CORIN: variants seen among roughly 807,000 people sequenced by gnomAD.
The protein encoded by CORIN is corin, serine peptidase.
In CORIN, 117 loss-of-function variants were observed where a neutral mutation model predicts 125.3. That is an observed-to-expected ratio of 0.93 (90% CI 0.80 to 1.09). The LOEUF is 1.09. Ranked by LOEUF, CORIN falls within the 50% of genes least tolerant of loss-of-function variation. The pLI is 0.00. For synonymous variants in CORIN, 450 were observed against 466.4 expected (o/e 0.96, Z 0.45); for missense variants, 1,253 against 1,306.7 (o/e 0.96, Z 0.63).
At chr4:47,718,813 T>C (rs13146535) in intron 5 of CORIN, among the ~76,000 whole-genome samples, 13,998 of 152,202 alleles carry the variant, frequency 0.092, 768 homozygotes, top group East Asian at 0.27. Context: ...AAGATGTCTA[T>C]TCCTTAGTCC....
At chr4:47,609,148 T>A (rs9998849) in intron 19 of CORIN, among the ~76,000 whole-genome samples, 40,942 of 152,128 alleles carry the variant, frequency 0.27, 5,661 homozygotes, top group Admixed American at 0.35. Flanking sequence ...TAAATAAAGA[T>A]ATACCACACT....
Position 47,622,797 on chromosome 4 carries a change from G to A in CORIN, c.2540+774C>T, listed in dbSNP as rs1046802499. On this transcript the variant is annotated intron_variant, in intron 19 of 21. Transcript: ENST00000273857. ...TCCTGCCTGCCACCTACCTCATCAG[G>A]TTTTGGATTCACCAAGCCTCCAGAA... is the stretch of plus-strand genomic sequence containing the variant. 7.9e-5 allele frequency among the ~76,000 whole-genome samples: 12 copies of A among 152,170 alleles called. No homozygotes were observed. In the East Asian group the frequency reaches 2.3e-3, roughly 29 times the overall value.
chr4:47,646,109 A>T (rs918823906), intron 13 of CORIN, among the ~76,000 whole-genome samples: 1 of 151,928 alleles, frequency 6.6e-6, no homozygotes. Context: ...AGCATACATT[A>T]ACATTCATCT....
chr4:47,800,366 C>T (rs567845501), intron 2 of CORIN, among the ~76,000 whole-genome samples: 27 of 152,176 alleles, frequency 1.8e-4, no homozygotes, highest in South Asian at 1.2e-3. Context: ...TAAGCACAGA[C>T]GTACTTAAAT....
At chr4:47,791,287 A>G (rs896898074) in intron 2 of CORIN, among the ~76,000 whole-genome samples, 16 of 152,194 alleles carry the variant, frequency 1.1e-4, no homozygotes, top group Admixed American at 9.2e-4. Flanking sequence ...GGAAAGAGCC[A>G]CAAGCCAAGG....
chr4:47,792,462 G>T (rs1452458106), intron 2 of CORIN, among the ~76,000 whole-genome samples: 1 of 152,130 alleles, frequency 6.6e-6, no homozygotes, highest in Non-Finnish European at 1.5e-5. Context: ...CTTAGCCAAC[G>T]CAAAAACCCT....
At chr4:47,813,534 G>A (rs1023858782) in intron 1 of CORIN, among the ~76,000 whole-genome samples, 3 of 152,124 alleles carry the variant, frequency 2.0e-5, no homozygotes, top group African/African-American at 7.2e-5. Context: ...GAGATATGTT[G>A]ATATTTTTAT....
chr4:47,744,717 T>C, intron 4 of CORIN, 134 bp from the exon 5 acceptor site: 1 of 773,342 alleles, frequency 1.3e-6, no homozygotes, highest in Non-Finnish European at 1.9e-6. Flanking sequence ...GCAACTTAAA[T>C]TTTTACATTC....
chr4:47,680,381 T>C (rs1215350520), intron 7 of CORIN, 130 bp from the exon 8 acceptor site: 2 of 648,972 alleles, frequency 3.1e-6, no homozygotes, highest in East Asian at 2.8e-5. Context: ...ATTTCTACAA[T>C]AGGTCTGGCC....
At position 47,777,421 on chromosome 4, in the gene CORIN, A is replaced by G. The variant is rs752838651; in HGVS notation, c.409+9304T>C. The stretch of plus-strand genomic sequence containing the variant: ...GCCGAGGCAGGCAGATCAAGACGTC[A>G]GGAGTTCAAGACCAGCCTAGCCAAT... On this transcript the variant is annotated intron_variant, in intron 3 of 21. Transcript: ENST00000273857. Among the ~76,000 whole-genome samples, 70 of 152,338 alleles carry G rather than the reference A, an allele frequency of 4.6e-4. 1 individual carries two copies. The Middle Eastern group carries it at 0.014, about 30-fold the overall frequency.
chr4:47,758,590 T>C (rs1395180126), intron 4 of CORIN, among the ~76,000 whole-genome samples: 4 of 152,176 alleles, frequency 2.6e-5, no homozygotes, highest in Non-Finnish European at 5.9e-5. Flanking sequence ...CAAAGCATAA[T>C]GATATGGTTT....
intron 16 of CORIN, among the ~76,000 whole-genome samples, chr4:47,639,236 A>G (rs533830683): frequency 1.3e-5 from 2 of 152,318 alleles, no homozygotes; most frequent in South Asian, 4.1e-4. Context: ...TTATACTATC[A>G]AGATAAGATT....
intron 4 of CORIN, among the ~76,000 whole-genome samples, chr4:47,750,636 G>A (rs543357902): frequency 9.8e-5 from 15 of 152,306 alleles, no homozygotes; most frequent in African/African-American, 3.4e-4. Context: ...GTATGGGGAA[G>A]GCTGCTTGAT....
intron 4 of CORIN, among the ~76,000 whole-genome samples, chr4:47,753,284 C>A (rs1199726293): frequency 3.3e-5 from 5 of 152,088 alleles, no homozygotes. Flanking sequence ...AAGGGCAAAG[C>A]AAAGATCACA....
chr4:47,784,487 C>G (rs1269517397), intron 3 of CORIN, among the ~76,000 whole-genome samples: 3 of 152,192 alleles, frequency 2.0e-5, no homozygotes, highest in Non-Finnish European at 4.4e-5. Flanking sequence ...GTCAGACAGA[C>G]TTCTATCAAA....
At chr4:47,654,252 TG>T (rs1009934685) in intron 12 of CORIN, among the ~76,000 whole-genome samples, 4 of 152,184 alleles carry the variant, frequency 2.6e-5, no homozygotes, top group Non-Finnish European at 5.9e-5. Context: ...AATGATTTTT[TG>T]GGGGGAAGAT....
At chr4:47,797,248 G>A (rs1731336614) in intron 2 of CORIN, among the ~76,000 whole-genome samples, 1 of 148,128 alleles carries the variant, frequency 6.8e-6, no homozygotes, top group South Asian at 2.1e-4. Flanking sequence ...ATAATATTGT[G>A]AATTTATAAT....
intron 5 of CORIN, among the ~76,000 whole-genome samples, chr4:47,700,769 T>A (rs985905434): frequency 6.6e-6 from 1 of 152,088 alleles, no homozygotes; most frequent in East Asian, 1.9e-4. Context: ...TGAGCACTGG[T>A]CTCTGCTATA....
At chr4:47,738,484 A>G (rs984508411) in intron 5 of CORIN, among the ~76,000 whole-genome samples, 3 of 152,246 alleles carry the variant, frequency 2.0e-5, no homozygotes, top group African/African-American at 7.2e-5. Context: ...GCCAGACATG[A>G]CAAAGAACAA....
Sources: allele counts gnomAD v4.1 joint callset (sites outside exome capture counted in the v4.1 genomes callset), GRCh38; gene constraint gnomAD v4.1.1; transcripts MANE v1.5; gene names NCBI Gene and HGNC (gene_info 2026-07-23, HGNC 2026-07-21).